Variants in DNAH10 observed in about 807,000 individuals in gnomAD.
The protein encoded by DNAH10 is dynein axonemal heavy chain 10, also known as axonemal beta dynein heavy chain 10.
A neutral mutation model predicts 506.6 loss-of-function variants in DNAH10; 348 were observed. That is an observed-to-expected ratio of 0.69 (90% CI 0.63 to 0.75). The LOEUF (loss-of-function observed/expected upper bound fraction) is 0.75, where lower values mean the gene tolerates loss of function less well. Ranked by LOEUF, DNAH10 falls within the 30% of genes least tolerant of loss-of-function variation. DNAH10 has a pLI of 0.00. For synonymous variants in DNAH10, 2,059 were observed against 2,198.6 expected, an observed-to-expected ratio of 0.94 and a Z score of 1.78; for missense variants, 5,179 against 5,787.1, an observed-to-expected ratio of 0.89 and a Z score of 3.41.
intron 70 of DNAH10, 145 bp from the exon 71 acceptor site, chr12:123,929,130 C>T: frequency 1.2e-6 from 1 of 816,044 alleles, no homozygotes; most frequent in Non-Finnish European, 1.9e-6. Flanking sequence ...CAGCCTGGGC[C>T]CTGGACAAGA....
chr12:123,775,692 G>T lies in DNAH10; in HGVS notation c.621+1428G>T, dbSNP rs149555634. On this transcript the variant is annotated intron_variant, in intron 5 of 78. Coordinates refer to ENST00000673944, the MANE Select transcript of DNAH10 (RefSeq NM_001372106.1). ...GGGCTGGAAATGAAGGCAGGTTTAA[G>T]CAGGGGAACAACAGGATCTGGTTTG... is the stretch of plus-strand genomic sequence containing the variant. Among the ~76,000 whole-genome samples the T allele has an allele frequency of 6.1e-3, 931 of 152,268 alleles. 7 individuals carry two copies. The highest frequency in any genetic ancestry group is 0.024 in the Middle Eastern group (7 of 294).
At chr12:123,879,132 A>G in intron 48 of DNAH10, 132 bp from the exon 49 acceptor site, 1 of 684,622 alleles carries the variant, frequency 1.5e-6, no homozygotes, top group Non-Finnish European at 2.5e-6. Flanking sequence ...ACGTGAGACT[A>G]GGGGGGCACG....
rs771994813 is a variant in DNAH10 at position 123,868,155 on chromosome 12, G to T, written c.7519+36G>T. 2.1e-5 allele frequency: 33 copies of T among 1,559,878 alleles called. 1 individual carries two copies. In the East Asian group the frequency reaches 6.1e-4, roughly 29 times the overall value. ...AGTGTCGCCTGTTTCCCTGCTCTGA[G>T]TGCCTTTGGTTAAATTTCTAGAGGA... On this transcript the variant is annotated intron_variant, in intron 43 of 78. Coordinates refer to ENST00000673944, the MANE Select transcript of DNAH10 (RefSeq NM_001372106.1).
chr12:123,871,534 G>A lies in DNAH10; in HGVS notation c.7717G>A (p.Gly2573Ser), dbSNP rs1952036920. Residue 2573 changes from glycine (G) to serine (S), a missense_variant, in exon 45 of 79, where the codon GGT becomes AGT. Transcript: ENST00000673944. Reference sequence around the variant, plus strand: ...AATTAAGCAACCTGTTATTTTTGTTGGTGAATCTGGCACTTCTAAGACAGC... The same window carrying A: ...AATTAAGCAACCTGTTATTTTTGTTAGTGAATCTGGCACTTCTAAGACAGC... ...VKIKQPVIFV[G>S]ESGTSKTATT... is the part of the protein sequence containing the mutation. 1 of 1,554,320 alleles carries A rather than the reference G, an allele frequency of 6.4e-7. No individual in the cohort carries two copies. Among genetic ancestry groups the A allele is most frequent in the African/African-American group, 1.4e-5 (1 of 73,342 alleles).
chr12:123,790,237 C>A, intron 11 of DNAH10, 116 bp downstream of exon 11: 2 of 999,766 alleles, frequency 2.0e-6, no homozygotes, highest in Non-Finnish European at 3.0e-6. Context: ...CAAGTAATAC[C>A]TGCTTATTAA....
intron 1 of DNAH10, among the ~76,000 whole-genome samples, chr12:123,765,110 A>G (rs1432468916): frequency 1.3e-5 from 2 of 151,694 alleles, no homozygotes; most frequent in Non-Finnish European, 2.9e-5. Flanking sequence ...TCCCCGGTCA[A>G]GATTTCTCTC....
At chr12:123,859,334 G>A in intron 38 of DNAH10, 66 bp downstream of exon 38, 2 of 1,259,164 alleles carry the variant, frequency 1.6e-6, no homozygotes, top group Non-Finnish European at 2.1e-6. Context: ...TTTGGTGCCA[G>A]TATTACCAAG....
At position 123,902,959 on chromosome 12, in the gene DNAH10, G is replaced by A; in HGVS notation, c.9661G>A (p.Ala3221Thr). 2 of 1,589,338 alleles carry A rather than the reference G, an allele frequency of 1.3e-6. No homozygotes were observed. Among genetic ancestry groups the A allele is most frequent in the Non-Finnish European group, 1.7e-6 (2 of 1,168,280 alleles). The part of the protein sequence containing the change: ...TAVAEEKKKL[A>T]EEKAMEIEEQ... Reference sequence around the variant, plus strand: ...TGCAGCCGAGGAGAAGAAGAAACTGGCAGAGGAAAAGGCCATGGAGATAGA... The same window carrying A: ...TGCAGCCGAGGAGAAGAAGAAACTGACAGAGGAAAAGGCCATGGAGATAGA... The change falls in exon 57 of 79, where the codon GCA becomes ACA. Residue 3221 changes from alanine (A) to threonine (T), a missense_variant. This residue lies in a region of DNAH10 where 4,844 missense variants were observed against 5,430.5 expected (regional missense o/e 0.89). Coordinates refer to ENST00000673944, the MANE Select transcript of DNAH10 (RefSeq NM_001372106.1). This position sits in a 1 kb window ranked among gnomAD's most constrained non-coding sequence, Gnocchi z 4.5.
At chr12:123,818,427 G>A (rs1271540352) in intron 21 of DNAH10, among the ~76,000 whole-genome samples, 2 of 152,058 alleles carry the variant, frequency 1.3e-5, no homozygotes, top group African/African-American at 4.8e-5. Context: ...AGGTTCAAGC[G>A]ATTCTGCCAC....
At chr12:123,933,228 G>C (rs1259054097) in intron 76 of DNAH10, 103 bp from the exon 77 acceptor site, 1 of 1,164,434 alleles carries the variant, frequency 8.6e-7, no homozygotes. Context: ...TTGCCACTTA[G>C]GTGAAATATG....
At chr12:123,804,519 C>A (rs1280350210) in intron 17 of DNAH10, among the ~76,000 whole-genome samples, 1 of 147,518 alleles carries the variant, frequency 6.8e-6, no homozygotes, top group Non-Finnish European at 1.5e-5. Context: ...CAGAGTGAGA[C>A]TCCGTCTCAA....
intron 59 of DNAH10, 134 bp downstream of exon 59, chr12:123,910,806 A>G (rs11057391): frequency 1.7e-6 from 2 of 1,151,510 alleles, no homozygotes; most frequent in African/African-American, 3.2e-5. Flanking sequence ...TCCCTCCACC[A>G]CCCAATAAAT....
Position 123,916,384 on chromosome 12 carries a change from C to G in DNAH10, c.10723-73C>G. 1 of 1,534,894 alleles carries G rather than the reference C, an allele frequency of 6.5e-7. No homozygotes were observed. The highest frequency in any genetic ancestry group is 8.7e-7 in the Non-Finnish European group (1 of 1,144,448). Reference sequence around the variant, plus strand: ...GGCCCATCCACTTCCCACTTCCAAGCCATTCTCCCCTTATATTTGGCAGGG... The same window carrying G: ...GGCCCATCCACTTCCCACTTCCAAGGCATTCTCCCCTTATATTTGGCAGGG... On this transcript the variant is annotated intron_variant, in intron 62 of 78. Transcript: ENST00000673944. The surrounding 1 kb of genome is among the most constrained non-coding windows in gnomAD (Gnocchi z 4.6).
chr12:123,830,350 G>GT (rs1440755560), intron 25 of DNAH10, among the ~76,000 whole-genome samples, 196 bp from the exon 26 acceptor site: 13 of 152,172 alleles, frequency 8.5e-5, no homozygotes, highest in Admixed American at 8.5e-4. Flanking sequence ...GCAAGATGTT[G>GT]TTTTCCGGTT....
rs953819051 is a variant in DNAH10, at chr12:123,794,031, T to G, written c.1905T>G (p.Phe635Leu). ...AEAAFDMLLK[F>L]KHIRSREAVN... ...CAGCATTTGACATGCTTTTAAAATT[T>G]AAGCACATTCGTTCACGGGAGGCTG... Residue 635 changes from phenylalanine (F) to leucine (L), a missense_variant, in exon 12 of 79, where the codon TTT (phenylalanine) becomes TTG (leucine). By Grantham distance (22) the Phe-to-Leu change is conservative. Transcript: ENST00000673944. 1 of 1,286,834 alleles carries G rather than the reference T, an allele frequency of 7.8e-7. No individual in the cohort carries two copies. Among genetic ancestry groups the G allele is most frequent in the Non-Finnish European group, 1.0e-6 (1 of 987,264 alleles). 79.7% of individuals were successfully genotyped at this position (1,286,834 alleles called of 1,614,324 possible). A position where few individuals can be genotyped will look rare whatever the true frequency, so the allele number is the denominator to read the frequency against.
In DNAH10 at chr12:123,881,695, A is replaced by G. The variant is rs887345742; in HGVS notation, c.8705A>G (p.His2902Arg). The G allele has an allele frequency of 2.6e-6, 4 of 1,550,502 alleles. No individual in the cohort carries two copies. In the Admixed American group the frequency reaches 7.9e-5, roughly 31 times the overall value. The part of the protein sequence containing the change: ...NLVLFDDALE[H>R]LTRVHRIIRM... ...GTTCTCTTCGACGATGCTCTGGAGC[A>G]TTTAACCCGGGTGCACCGTATCATC... Residue 2902 changes from histidine to arginine, a missense_variant, in exon 51 of 79, where the codon CAT becomes CGT. His to Arg is a conservative substitution (Grantham distance 29, BLOSUM62 0). Around this residue, in one of 3 missense-constraint regions of DNAH10, gnomAD observed 4,844 missense variants for 5,430.5 expected, o/e 0.89. Transcript: ENST00000673944.
chr12:123,778,455 G>A (rs1207861972), intron 5 of DNAH10, among the ~76,000 whole-genome samples: 1 of 152,162 alleles, frequency 6.6e-6, no homozygotes, highest in Non-Finnish European at 1.5e-5. Flanking sequence ...AGCACTTTGG[G>A]AGGCCAAGGT....
rs556053838 is a variant in DNAH10 at position 123,893,045 on chromosome 12, C to T, written c.8996-188C>T. On this transcript the variant is annotated intron_variant, in intron 52 of 78. Transcript: ENST00000673944. Reference sequence around the variant, plus strand: ...GCATCTAGGATCCCCGTTTGACAGACAGGAGCTGGAGGCTCTAAGGGCTTG... The same window carrying T: ...GCATCTAGGATCCCCGTTTGACAGATAGGAGCTGGAGGCTCTAAGGGCTTG... Among the ~76,000 whole-genome samples, 4 of 152,354 alleles carry T rather than the reference C, an allele frequency of 2.6e-5. No individual in the cohort carries two copies. In the East Asian group the frequency reaches 7.7e-4, roughly 29 times the overall value.
rs996522170 is a variant in DNAH10 at position 123,933,612 on chromosome 12, GCC to G, written c.13477+102_13477+103del. 13 of 1,363,784 alleles carry G rather than the reference GCC, an allele frequency of 9.5e-6. No individual in the cohort carries two copies. In the Admixed American group the frequency reaches 3.2e-4, roughly 33 times the overall value. The allele number at this position is 1,363,784 out of a possible 1,614,324, so 84.5% of individuals were successfully genotyped here. ...ACAGGCATAGCGTGGGCCTAAATGGGCCAGGCCATGTTTGAAAGCCAGCCTGC... is the reference window on the plus strand; with the variant it reads ...ACAGGCATAGCGTGGGCCTAAATGGGAGGCCATGTTTGAAAGCCAGCCTGC... On this transcript the variant is annotated intron_variant, in intron 77 of 78. Coordinates refer to ENST00000673944, the MANE Select transcript of DNAH10 (RefSeq NM_001372106.1).
Sources: gnomAD v4.1 joint callset for allele counts (sites outside exome capture counted in the v4.1 genomes callset) on GRCh38, gnomAD v4.1.1 for gene constraint, gnomAD v4.1.1 regional missense constraint, Gnocchi (gnomAD v3.1) non-coding constraint, MANE v1.5 for transcripts, NCBI Gene and HGNC (gene_info 2026-07-23, HGNC 2026-07-21) for gene names.